The following OPN1LW variants were observed in gnomAD, a reference collection of about 807,000 sequenced individuals.
OPN1LW encodes long-wave-sensitive opsin 1.
OPN1LW carries 4 observed loss-of-function variants against 18.1 expected under a neutral mutation model. The observed-to-expected ratio is 0.22, with a 90% confidence interval of 0.11 to 0.51. The LOEUF (loss-of-function observed/expected upper bound fraction) is 0.51. OPN1LW is among the 20% of genes least tolerant of loss of function. The probability of loss-of-function intolerance (pLI) is 0.97; values close to 1 mark genes in which losing one functional copy is unlikely to be tolerated. For missense variants in OPN1LW, 164 were observed against 234.9 expected (o/e 0.70, Z 1.97); for synonymous variants, 86 against 101.2 (o/e 0.85, Z 0.90).
At chrX:154,148,515 AC>A (rs1441224847) in intron 1 of OPN1LW, among the ~76,000 whole-genome samples, 29 of 101,212 alleles carry the variant, frequency 2.9e-4, no homozygotes, top group Non-Finnish European at 5.2e-4. Context: ...CAAGTGATCC[AC>A]CCCCTCGGCC....
Position 154,150,785 on chromosome X carries a change from T to C in OPN1LW, c.242T>C (p.Phe81Ser). The C allele has an allele frequency of 8.3e-7, 1 of 1,202,190 alleles. No homozygotes were observed. Among genetic ancestry groups the C allele is most frequent in the Admixed American group, 2.2e-5 (1 of 45,735 alleles). Reference protein sequence around the residue: ...NGLVLAATMKFKKLRHPLNWI... With the variant: ...NGLVLAATMKSKKLRHPLNWI... ...CTTGTGCTGGCGGCCACCATGAAGT[T>C]CAAGAAGCTGCGCCACCCGCTGAAC... Residue 81 changes from phenylalanine to serine, a missense_variant, in exon 2 of 6, where the codon TTC (phenylalanine) becomes TCC (serine). By Grantham distance (155) the Phe-to-Ser change is radical. Coordinates refer to ENST00000369951, the MANE Select transcript of OPN1LW (RefSeq NM_020061.6).
intron 1 of OPN1LW, among the ~76,000 whole-genome samples, chrX:154,148,359 G>T (rs1557157143): frequency 9.7e-6 from 1 of 103,582 alleles, no homozygotes; most frequent in African/African-American, 4.2e-5. Context: ...TCTGCCTCCT[G>T]GGTTCAAGTG....
rs782547561 is a variant in OPN1LW at position 154,149,216 on chromosome X, A to AG, written c.113-1440_113-1439insG. On this transcript the variant is annotated intron_variant, in intron 1 of 5. Coordinates refer to ENST00000369951, the MANE Select transcript of OPN1LW (RefSeq NM_020061.6). ...CAAGACTCCGTCTCAAAAAAAAAGA[A>AG]AAAAAAAAGAAAAGAAAAATAAATT... 6.9e-4 allele frequency among the ~76,000 whole-genome samples: 68 copies of AG among 98,766 alleles called. 7 individuals are homozygous for AG. The highest frequency in any genetic ancestry group is 2.2e-3 in the African/African-American group (49 of 22,106). The allele number at this position is 98,766 out of a possible 115,157, so 85.8% of individuals were successfully genotyped here. A position where few individuals can be genotyped will look rare whatever the true frequency, so the allele number is the denominator to read the frequency against.
Position 154,148,255 on chromosome X carries a change from GTGT to G in OPN1LW, c.113-2389_113-2387del, listed in dbSNP as rs782660648. 2.4e-4 allele frequency among the ~76,000 whole-genome samples: 25 copies of G among 102,490 alleles called. 3 individuals are homozygous for G. The highest frequency in any genetic ancestry group is 7.7e-4 in the African/African-American group (18 of 23,370). The allele number at this position is 102,490 out of a possible 115,157, so 89.0% of individuals were successfully genotyped here. A position where few individuals can be genotyped will look rare whatever the true frequency, so the allele number is the denominator to read the frequency against. On this transcript the variant is annotated intron_variant, in intron 1 of 5. Coordinates refer to ENST00000369951, the MANE Select transcript of OPN1LW (RefSeq NM_020061.6). ...CAGAGCCAGGCTCTATCTCTATTTG[GTGT>G]TGTTGTTGTTGCTGTTGTTGTTTTT...
Position 154,154,719 on chromosome X carries a change from G to A in OPN1LW, c.724G>A (p.Val242Met). The A allele has an allele frequency of 8.4e-7, 1 of 1,193,030 alleles. No homozygotes were observed. Among genetic ancestry groups the A allele is most frequent in the Non-Finnish European group, 1.1e-6 (1 of 883,474 alleles). ...TATCATCATGCTCTGCTACCTCCAA[G>A]TGTGGCTGGCCATCCGAGCGGTAAG... ...LAIIMLCYLQ[V>M]WLAIRAVAKQ... is the part of the protein sequence containing the mutation. Residue 242 changes from valine (V) to methionine (M), a missense_variant, in exon 4 of 6, where the codon GTG becomes ATG. Physicochemically the swap from Val to Met is conservative, Grantham distance 21. This residue lies in a region of OPN1LW where 106 missense variants were observed against 167.7 expected (regional missense o/e 0.63). Transcript: ENST00000369951.
intron 3 of OPN1LW, among the ~76,000 whole-genome samples, chrX:154,154,022 A>G (rs2067077600): frequency 1.1e-5 from 1 of 89,716 alleles, no homozygotes; most frequent in African/African-American, 5.0e-5. Flanking sequence ...GGCACAGTGC[A>G]GTGGTGTAAT....
rs1310067490 is a variant in OPN1LW, at chrX:154,144,403, A to T, written c.112+8A>T. 4.4e-6 allele frequency: 5 copies of T among 1,143,542 alleles called. No individual in the cohort carries two copies. The highest frequency in any genetic ancestry group is 4.7e-6 in the Non-Finnish European group (4 of 852,145). The allele number at this position is 1,143,542 out of a possible 1,213,427, so 94.2% of individuals were successfully genotyped here. A position where few individuals can be genotyped will look rare whatever the true frequency, so the allele number is the denominator to read the frequency against. ...ACAGCAACTCCACCAGAGGTGAGCC[A>T]GCAGGCCCGTGGAGGCTGGGTGGCT... On this transcript the variant is annotated splice_region_variant and intron_variant, in intron 1 of 5. Coordinates refer to ENST00000369951, the MANE Select transcript of OPN1LW (RefSeq NM_020061.6).
rs148583295 is a variant in OPN1LW, at chrX:154,154,684, T to C, written c.689T>C (p.Ile230Thr). 3,513 of 1,188,737 alleles carry C rather than the reference T, an allele frequency of 3.0e-3. 10 individuals are homozygous for C. Among genetic ancestry groups the C allele is most frequent in the Middle Eastern group, 4.9e-3 (21 of 4,268 alleles). Reference protein sequence around the residue: ...MIVLMVTCCIIPLAIIMLCYL... With the variant: ...MIVLMVTCCITPLAIIMLCYL... ...GTCCTCATGGTCACCTGCTGCATCA[T>C]CCCACTCGCTATCATCATGCTCTGC... is the stretch of plus-strand genomic sequence containing the variant. Residue 230 changes from isoleucine to threonine, a missense_variant, in exon 4 of 6, where the codon ATC becomes ACC. Ile to Thr is a moderately conservative substitution (Grantham distance 89). Coordinates refer to ENST00000369951, the MANE Select transcript of OPN1LW (RefSeq NM_020061.6).
chrX:154,144,461 G>A (rs1357651767), intron 1 of OPN1LW, 66 bp downstream of exon 1: 65 of 815,198 alleles, frequency 8.0e-5, no homozygotes, highest in African/African-American at 4.8e-4. Flanking sequence ...CACCTGCCCC[G>A]CCCAAGGGAA....
chrX:154,156,411 G>A lies in OPN1LW; in HGVS notation c.862G>A (p.Ala288Thr), dbSNP rs782365080. 2.0e-5 allele frequency: 24 copies of A among 1,203,151 alleles called. No individual in the cohort carries two copies. The highest frequency in any genetic ancestry group is 2.3e-4 in the Middle Eastern group (1 of 4,340). The change falls in exon 5 of 6, where the codon GCA becomes ACA. Residue 288 changes from alanine to threonine, a missense_variant. Transcript: ENST00000369951. ...CVCWGPYTFF[A>T]CFAAANPGYA... is the part of the protein sequence containing the mutation. ...CTGCTGGGGACCCTACACCTTCTTC[G>A]CATGCTTTGCTGCTGCCAACCCTGG...
chrX:154,148,327 G>A lies in OPN1LW; in HGVS notation c.113-2329G>A, dbSNP rs868955826. On this transcript the variant is annotated intron_variant, in intron 1 of 5. Coordinates refer to ENST00000369951, the MANE Select transcript of OPN1LW (RefSeq NM_020061.6). ...GTCACCCCGGCTGGAGTGCAGTGGC[G>A]TGATCTCAGCTCACCGCAACCTCTG... is the stretch of plus-strand genomic sequence containing the variant. 8.2e-4 allele frequency among the ~76,000 whole-genome samples: 85 copies of A among 103,476 alleles called. 2 individuals carry two copies. The Middle Eastern group carries it at 0.014, about 17-fold the overall frequency. 89.9% of individuals were successfully genotyped at this position (103,476 alleles called of 115,157 possible).
chrX:154,156,495 A>G lies in OPN1LW; in HGVS notation c.946A>G (p.Ile316Val). ...GGCCTACTTTGCCAAAAGTGCCACTATCTACAACCCCGTTATCTATGTCTT... is the reference window on the plus strand; with the variant it reads ...GGCCTACTTTGCCAAAAGTGCCACTGTCTACAACCCCGTTATCTATGTCTT... ...LPAYFAKSAT[I>V]YNPVIYVFMN... Residue 316 changes from isoleucine (I) to valine (V), a missense_variant, in exon 5 of 6, where the codon ATC (isoleucine) becomes GTC (valine). Transcript: ENST00000369951. 1.7e-6 allele frequency: 2 copies of G among 1,203,846 alleles called. No homozygotes were observed. Among genetic ancestry groups the G allele is most frequent in the Non-Finnish European group, 2.2e-6 (2 of 890,216 alleles).
chrX:154,150,680 A>T lies in OPN1LW; in HGVS notation c.137A>T (p.His46Leu). ...TRGPFEGPNY[H>L]IAPRWVYHLT... ...GGCCCCTTCGAAGGCCCGAATTACCACATCGCTCCCAGATGGGTGTACCAC... is the reference window on the plus strand; with the variant it reads ...GGCCCCTTCGAAGGCCCGAATTACCTCATCGCTCCCAGATGGGTGTACCAC... The change falls in exon 2 of 6, where the codon CAC (histidine) becomes CTC (leucine). Residue 46 changes from histidine to leucine, a missense_variant. Physicochemically the swap from His to Leu is moderately conservative, Grantham distance 99. Around this residue, in one of 3 missense-constraint regions of OPN1LW, gnomAD observed 106 missense variants for 167.7 expected, o/e 0.63. Transcript: ENST00000369951. The T allele has an allele frequency of 1.7e-6, 2 of 1,198,000 alleles. No individual in the cohort carries two copies. Among genetic ancestry groups the T allele is most frequent in the Non-Finnish European group, 2.2e-6 (2 of 889,976 alleles).
chrX:154,149,469 T>C (rs2067067603), intron 1 of OPN1LW, among the ~76,000 whole-genome samples: 1 of 96,560 alleles, frequency 1.0e-5, no homozygotes, highest in Non-Finnish European at 2.0e-5. Flanking sequence ...GAGGCGGAGG[T>C]TGCAGTGACC....
rs1235251351 is a variant in OPN1LW at position 154,149,783 on chromosome X, A to G, written c.113-873A>G. Among the ~76,000 whole-genome samples the G allele has an allele frequency of 1.9e-3, 51 of 26,907 alleles. 2 individuals are homozygous for G. Among genetic ancestry groups the G allele is most frequent in the African/African-American group, 0.012 (46 of 3,988 alleles). 23.4% of individuals were successfully genotyped at this position (26,907 alleles called of 115,157 possible). A position where few individuals can be genotyped will look rare whatever the true frequency, so the allele number is the denominator to read the frequency against. ...TTTTCTTGTTTGTTTTAATTAAAAA[A>G]AAATTTTTTTTACATGGGCATGCCA... On this transcript the variant is annotated intron_variant, in intron 1 of 5. Coordinates refer to ENST00000369951, the MANE Select transcript of OPN1LW (RefSeq NM_020061.6).
intron 1 of OPN1LW, among the ~76,000 whole-genome samples, chrX:154,149,478 C>A (rs1236438907): frequency 1.0e-5 from 1 of 95,299 alleles, no homozygotes. Context: ...GTTGCAGTGA[C>A]CCGAGATCAC....
rs1265267275 is a variant in OPN1LW, at chrX:154,148,184, C to T, written c.113-2472C>T. Among the ~76,000 whole-genome samples, 3 of 103,423 alleles carry T rather than the reference C, an allele frequency of 2.9e-5. 1 individual carries two copies. The highest frequency in any genetic ancestry group is 1.3e-4 in the African/African-American group (3 of 23,616). The allele number at this position is 103,423 out of a possible 115,157, so 89.8% of individuals were successfully genotyped here. ...GGATCGCTTGAGCCCAGGAGTTCCA[C>T]GTTGCAGTGAGCTATGATTGTGCCA... On this transcript the variant is annotated intron_variant, in intron 1 of 5. Transcript: ENST00000369951.
Position 154,149,154 on chromosome X carries a change from G to A in OPN1LW, c.113-1502G>A, listed in dbSNP as rs1354041541. 2.9e-5 allele frequency among the ~76,000 whole-genome samples: 3 copies of A among 101,985 alleles called. 1 individual carries two copies. The highest frequency in any genetic ancestry group is 1.3e-4 in the African/African-American group (3 of 23,101). The allele number at this position is 101,985 out of a possible 115,157, so 88.6% of individuals were successfully genotyped here. The stretch of plus-strand genomic sequence containing the variant: ...TGGGAGGCGGAGCTTGCAGTGAGCC[G>A]AGATCGTGCCACTGCACTCCAGCCT... On this transcript the variant is annotated intron_variant, in intron 1 of 5. Transcript: ENST00000369951.
At position 154,149,220 on chromosome X, in the gene OPN1LW, A is replaced by AAAAAG. The variant is rs781879851; in HGVS notation, c.113-1426_113-1422dup. ...ACTCCGTCTCAAAAAAAAAGAAAAA[A>AAAAAG]AAAAGAAAAGAAAAATAAATTACCA... On this transcript the variant is annotated intron_variant, in intron 1 of 5. Transcript: ENST00000369951. 7.1e-5 allele frequency among the ~76,000 whole-genome samples: 7 copies of AAAAAG among 99,144 alleles called. No individual in the cohort carries two copies. The East Asian group carries it at 1.8e-3, about 25-fold the overall frequency. The allele number at this position is 99,144 out of a possible 115,157, so 86.1% of individuals were successfully genotyped here. A position where few individuals can be genotyped will look rare whatever the true frequency, so the allele number is the denominator to read the frequency against.
Sources: gnomAD v4.1 joint callset for allele counts (sites outside exome capture counted in the v4.1 genomes callset) on GRCh38, gnomAD v4.1.1 for gene constraint, gnomAD v4.1.1 regional missense constraint, MANE v1.5 for transcripts, NCBI Gene and HGNC (gene_info 2026-07-23, HGNC 2026-07-21) for gene names.